Variants in FAXDC2 observed in about 807,000 individuals in gnomAD.
FAXDC2 encodes the protein fatty acid hydroxylase domain containing 2.
Under a neutral mutation model 40.9 loss-of-function variants are expected in FAXDC2, and 41 were observed. That is an observed-to-expected ratio of 1.00 (90% CI 0.78 to 1.30). The LOEUF (loss-of-function observed/expected upper bound fraction) is 1.30, where lower values mean the gene tolerates loss of function less well. FAXDC2 is among the 50% of genes most tolerant of loss of function. FAXDC2 has a pLI of 0.00. For missense variants in FAXDC2, 390 were observed against 408.8 expected (o/e 0.95, Z 0.40); for synonymous variants, 157 against 149.3 (o/e 1.05, Z -0.38).
intron 4 of FAXDC2, among the ~76,000 whole-genome samples, chr5:154,833,005 TTTAATGGGGGAGGGAA>T (rs1360377931): frequency 6.6e-6 from 1 of 152,204 alleles, no homozygotes. Context: ...GACATCATTT[TTTAATGGGGGAGGGAA>T]ACATTTCATT....
chr5:154,835,771 C>T (rs912446857), intron 2 of FAXDC2, among the ~76,000 whole-genome samples: 2 of 150,936 alleles, frequency 1.3e-5, no homozygotes, highest in Non-Finnish European at 2.9e-5. Context: ...TTAATAGAGA[C>T]GGGGTTTCAC....
rs1392552001 is a variant in FAXDC2 at position 154,821,280 on chromosome 5, G to A, written c.825C>T (p.Phe275=). 6.2e-7 allele frequency: 1 copy of A among 1,612,392 alleles called. No individual in the cohort carries two copies. The highest frequency in any genetic ancestry group is 1.7e-5 in the Admixed American group (1 of 59,836). The part of the protein sequence containing the change: ...YHLPFLPSPE[F]HDYHHLKFNQ... ...CTTACTTGAGATGGTGGTAGTCGTG[G>A]AATTCAGGCGAAGGCAGGAAGGGAA... The change falls in exon 8 of 9, where the codon TTC becomes TTT. Residue 275 remains phenylalanine (F), a synonymous_variant. Coordinates refer to ENST00000326080, the MANE Select transcript of FAXDC2 (RefSeq NM_032385.5).
chr5:154,844,384 A>G (rs76267118), intron 1 of FAXDC2, among the ~76,000 whole-genome samples: 1 of 143,972 alleles, frequency 6.9e-6, no homozygotes, highest in African/African-American at 2.5e-5. Context: ...CCTGCCTCCA[A>G]AAAAAAAAAA....
chr5:154,845,042 GAACA>G (rs1428787637), intron 1 of FAXDC2, among the ~76,000 whole-genome samples: 4 of 152,216 alleles, frequency 2.6e-5, no homozygotes, highest in Non-Finnish European at 5.9e-5. Flanking sequence ...CATTTCATTA[GAACA>G]AACAAAGCAT....
chr5:154,824,204 G>A (rs1411780466), intron 5 of FAXDC2: 1 of 459,950 alleles, frequency 2.2e-6, no homozygotes, highest in African/African-American at 2.0e-5. Context: ...ACTGTACAGA[G>A]CTGGTCCCAA....
In FAXDC2 at chr5:154,820,251, C is replaced by A. The variant is rs1759847381; in HGVS notation, c.*65G>T. 7.3e-7 allele frequency: 1 copy of A among 1,365,942 alleles called. No individual in the cohort carries two copies. Among genetic ancestry groups the A allele is most frequent in the Non-Finnish European group, 1.0e-6 (1 of 996,084 alleles). 84.6% of individuals were successfully genotyped at this position (1,365,942 alleles called of 1,614,324 possible). ...GCCGAAGGAGGCAAATTGTTAGGTG[C>A]AATCAGGAAGCCGTGTCTGCATCCC... On this transcript the variant is annotated 3_prime_UTR_variant, in exon 9 of 9. Coordinates refer to ENST00000326080, the MANE Select transcript of FAXDC2 (RefSeq NM_032385.5).
In FAXDC2 at chr5:154,821,439, G is replaced by GT; in HGVS notation, c.679-14_679-13insA. The GT allele has an allele frequency of 6.2e-7, 1 of 1,608,070 alleles. No homozygotes were observed. Among genetic ancestry groups the GT allele is most frequent in the Non-Finnish European group, 8.5e-7 (1 of 1,177,448 alleles). ...GCATGTTGGAGACCTGCAAGAGGAG[G>GT]GATGATTGAAGGCAGGGTCCAGGGA... On this transcript the variant is annotated splice_polypyrimidine_tract_variant and intron_variant, in intron 7 of 8. Coordinates refer to ENST00000326080, the MANE Select transcript of FAXDC2 (RefSeq NM_032385.5).
chr5:154,833,493 G>T (rs770417005), intron 4 of FAXDC2, among the ~76,000 whole-genome samples: 4 of 151,108 alleles, frequency 2.6e-5, no homozygotes, highest in Non-Finnish European at 4.4e-5. Context: ...TTACAGGCAC[G>T]CACCACCACA....
chr5:154,835,986 G>A (rs1304392406), intron 2 of FAXDC2, among the ~76,000 whole-genome samples: 3 of 147,058 alleles, frequency 2.0e-5, no homozygotes. Context: ...CGCCTCCAGG[G>A]TTCAAGTGAT....
At chr5:154,837,362 CAT>C (rs1204454389) in intron 2 of FAXDC2, among the ~76,000 whole-genome samples, 1 of 152,098 alleles carries the variant, frequency 6.6e-6, no homozygotes, top group Non-Finnish European at 1.5e-5. Context: ...CTCTTGGCCT[CAT>C]GTGATCTTCC....
chr5:154,830,475 T>C (rs1004741935), intron 5 of FAXDC2: 4 of 237,776 alleles, frequency 1.7e-5, no homozygotes, highest in Admixed American at 4.8e-5. Flanking sequence ...CACCCATTGC[T>C]GTCTCCATTC....
intron 2 of FAXDC2, 172 bp from the exon 3 acceptor site, chr5:154,835,106 CAGG>C: frequency 1.7e-6 from 1 of 591,438 alleles, no homozygotes; most frequent in African/African-American, 1.9e-5. Flanking sequence ...TCTTCCTTAT[CAGG>C]AGCTCTCAGG....
intron 1 of FAXDC2, among the ~76,000 whole-genome samples, chr5:154,845,193 C>A (rs1191901711): frequency 1.3e-5 from 2 of 152,174 alleles, no homozygotes; most frequent in African/African-American, 4.8e-5. Flanking sequence ...GCTTTCTGTG[C>A]CTCTCTGCCC....
At chr5:154,841,458 GAC>G (rs1760472721) in intron 1 of FAXDC2, among the ~76,000 whole-genome samples, 2 of 152,132 alleles carry the variant, frequency 1.3e-5, no homozygotes, top group Admixed American at 6.6e-5. Context: ...CTTCCAGAAG[GAC>G]AGCTGAGCAA....
chr5:154,821,366 T>A lies in FAXDC2; in HGVS notation c.739A>T (p.Ile247Phe), dbSNP rs1759885091. The A allele has an allele frequency of 6.2e-7, 1 of 1,612,050 alleles. No individual in the cohort carries two copies. Among genetic ancestry groups the A allele is most frequent in the African/African-American group, 1.3e-5 (1 of 74,778 alleles). The change falls in exon 8 of 9, where the codon ATC becomes TTC. Residue 247 changes from isoleucine to phenylalanine, a missense_variant. Coordinates refer to ENST00000326080, the MANE Select transcript of FAXDC2 (RefSeq NM_032385.5). ...PLVMGSHLSS[I>F]TMWFSLALII... is the part of the protein sequence containing the mutation. ...AGGGCCAAGGAAAACCACATGGTGATGGAGGACAAGTGGGAGCCCATTACT... is the reference window on the plus strand; with the variant it reads ...AGGGCCAAGGAAAACCACATGGTGAAGGAGGACAAGTGGGAGCCCATTACT...
chr5:154,822,990 A>G (rs1363494220), intron 6 of FAXDC2, among the ~76,000 whole-genome samples: 2 of 152,006 alleles, frequency 1.3e-5, no homozygotes, highest in Non-Finnish European at 1.5e-5. Flanking sequence ...ACTGGCCTAC[A>G]CTCAATTCAG....
rs779521426 is a variant in FAXDC2, at chr5:154,838,127, T to G, written c.48+4A>C. 17 of 1,608,320 alleles carry G rather than the reference T, an allele frequency of 1.1e-5. No homozygotes were observed. The highest frequency in any genetic ancestry group is 1.7e-5 in the Admixed American group (1 of 59,932). ...CAGTTTGGGGGCAAGGTGCTGGCAT[T>G]TACCTGCTTTGACTTTTCATTGTGT... On this transcript the variant is annotated splice_donor_region_variant and intron_variant, in intron 2 of 8. Coordinates refer to ENST00000326080, the MANE Select transcript of FAXDC2 (RefSeq NM_032385.5).
intron 4 of FAXDC2, among the ~76,000 whole-genome samples, chr5:154,833,357 T>C (rs1760240016): frequency 1.3e-5 from 2 of 151,100 alleles, no homozygotes. Context: ...TTTGTTTTTT[T>C]TTTTTTGAGA....
At chr5:154,844,272 A>G (rs1356862830) in intron 1 of FAXDC2, among the ~76,000 whole-genome samples, 2 of 151,782 alleles carry the variant, frequency 1.3e-5, no homozygotes, top group African/African-American at 2.4e-5. Flanking sequence ...CCTACAAAAA[A>G]TTAAAAAGAT....
Sources: gnomAD v4.1 joint callset for allele counts (sites outside exome capture counted in the v4.1 genomes callset) on GRCh38, gnomAD v4.1.1 for gene constraint, MANE v1.5 for transcripts, NCBI Gene and HGNC (gene_info 2026-07-23, HGNC 2026-07-21) for gene names.